PLXDC2: variants seen among roughly 807,000 people sequenced by gnomAD.
PLXDC2 encodes the protein plexin domain containing 2, also known as plexin domain-containing protein 2.
Under a neutral mutation model 68.9 loss-of-function variants are expected in PLXDC2, and 40 were observed. That is an observed-to-expected ratio of 0.58 (90% confidence interval 0.45 to 0.76). The LOEUF is 0.76. PLXDC2 is among the 30% of genes least tolerant of loss of function. PLXDC2 has a pLI of 0.00. For missense variants in PLXDC2, 644 were observed against 661.9 expected, an observed-to-expected ratio of 0.97 and a Z score of 0.30; for synonymous variants, 243 against 234.2, an observed-to-expected ratio of 1.04 and a Z score of -0.34.
intron 1 of PLXDC2, among the ~76,000 whole-genome samples, chr10:19,853,377 C>A (rs1002767895): frequency 2.0e-5 from 3 of 151,924 alleles, no homozygotes; most frequent in African/African-American, 7.2e-5. Flanking sequence ...TTTCTTCCTT[C>A]TGTTTCTCCT....
intron 4 of PLXDC2, among the ~76,000 whole-genome samples, chr10:20,101,986 G>C (rs1265766355): frequency 6.6e-6 from 1 of 151,866 alleles, no homozygotes; most frequent in African/African-American, 2.4e-5. Flanking sequence ...ATTTCTAGTA[G>C]AGATGGGGTT....
At chr10:19,870,446 G>C (rs1478453538) in intron 1 of PLXDC2, among the ~76,000 whole-genome samples, 2 of 151,462 alleles carry the variant, frequency 1.3e-5, no homozygotes, top group Non-Finnish European at 2.9e-5. Flanking sequence ...TATTTTTTGA[G>C]ACAGAGTCTT....
At position 20,145,534 on chromosome 10, in the gene PLXDC2, CAA is replaced by C. The variant is rs377301019; in HGVS notation, c.664+2119_664+2120del. ...TACATAATATAAAACTTAACATGTG[CAA>C]ACAGTACACTTTTTTTTGTTTTTTG... On this transcript the variant is annotated intron_variant, in intron 5 of 13. Coordinates refer to ENST00000377252, the MANE Select transcript of PLXDC2 (RefSeq NM_032812.9). 1.6e-3 allele frequency among the ~76,000 whole-genome samples: 236 copies of C among 152,104 alleles called. 1 individual carries two copies. Among genetic ancestry groups the C allele is most frequent in the African/African-American group, 5.5e-3 (227 of 41,548 alleles).
chr10:19,898,257 T>C (rs965602331), intron 1 of PLXDC2, among the ~76,000 whole-genome samples: 8 of 152,192 alleles, frequency 5.3e-5, no homozygotes, highest in Non-Finnish European at 1.0e-4. Flanking sequence ...TAGAGTATAT[T>C]GTGTGATGTT....
At chr10:20,105,848 A>G (rs1293201485) in intron 4 of PLXDC2, among the ~76,000 whole-genome samples, 2 of 152,206 alleles carry the variant, frequency 1.3e-5, no homozygotes, top group Non-Finnish European at 2.9e-5. Context: ...AGTGATGTGG[A>G]CGAGAGCATT....
Position 19,847,488 on chromosome 10 carries a change from G to A in PLXDC2, c.112+30297G>A, listed in dbSNP as rs80082420. On this transcript the variant is annotated intron_variant, in intron 1 of 13. Transcript: ENST00000377252. ...AACTCAGCGGTTGCCCAAGTGTGGA[G>A]ATTCAGCATTACCTAGGAATGTATA... is the stretch of plus-strand genomic sequence containing the variant. Among the ~76,000 whole-genome samples the A allele has an allele frequency of 1.1e-3, 161 of 152,286 alleles. 1 individual carries two copies. The highest frequency in any genetic ancestry group is 3.7e-3 in the African/African-American group (155 of 41,558).
At chr10:20,052,425 A>T (rs1191446686) in intron 3 of PLXDC2, among the ~76,000 whole-genome samples, 3 of 151,768 alleles carry the variant, frequency 2.0e-5, no homozygotes, top group Non-Finnish European at 4.4e-5. Flanking sequence ...TTAAGGTAAT[A>T]TTGTGACCAG....
chr10:20,230,693 C>CAAAAAAAAAAAAAAAAAA (rs1191613913), intron 12 of PLXDC2, among the ~76,000 whole-genome samples: 7 of 37,802 alleles, frequency 1.9e-4, no homozygotes, highest in Admixed American at 3.9e-4. Context: ...GACCTTGTCT[C>CAAAAAAAAAAAAAAAAAA]AAAAAAAAAA....
intron 3 of PLXDC2, among the ~76,000 whole-genome samples, chr10:20,050,461 C>A (rs1835876896): frequency 6.6e-6 from 1 of 152,050 alleles, no homozygotes; most frequent in Non-Finnish European, 1.5e-5. Flanking sequence ...GCAAGCTATG[C>A]ATCTGACAAA....
chr10:20,126,481 A>AGAACACACGTTATATACG (rs1833784904), intron 4 of PLXDC2, among the ~76,000 whole-genome samples: 1 of 40,012 alleles, frequency 2.5e-5, no homozygotes, highest in African/African-American at 8.2e-5. Context: ...ATATGTATAT[A>AGAACACACGTTATATACG]TAACACACAC....
At chr10:20,134,969 G>A (rs1833916016) in intron 4 of PLXDC2, among the ~76,000 whole-genome samples, 1 of 152,130 alleles carries the variant, frequency 6.6e-6, no homozygotes. Context: ...GCATAGGCTT[G>A]GAGAAGACTT....
chr10:20,214,523 T>G (rs1346724095), intron 10 of PLXDC2, among the ~76,000 whole-genome samples: 2 of 152,182 alleles, frequency 1.3e-5, no homozygotes, highest in African/African-American at 4.8e-5. Context: ...CAAATTCTGC[T>G]TTTTTAACTT....
chr10:20,212,105 G>T (rs1237383422), intron 10 of PLXDC2, among the ~76,000 whole-genome samples: 1 of 151,944 alleles, frequency 6.6e-6, no homozygotes. Context: ...GTGGGGAGGG[G>T]TGAAGTGTGG....
chr10:20,032,243 T>A (rs975223879), intron 2 of PLXDC2, among the ~76,000 whole-genome samples: 5 of 152,132 alleles, frequency 3.3e-5, no homozygotes, highest in Non-Finnish European at 7.3e-5. Flanking sequence ...TTCAGAGGCA[T>A]GAAACAGCAG....
At chr10:19,995,334 A>G (rs536625008) in intron 1 of PLXDC2, among the ~76,000 whole-genome samples, 6 of 152,212 alleles carry the variant, frequency 3.9e-5, no homozygotes, top group Non-Finnish European at 8.8e-5. Context: ...CAAAATTCCA[A>G]GAGTCCTTTC....
intron 2 of PLXDC2, among the ~76,000 whole-genome samples, chr10:20,043,621 A>AT (rs1835724016): frequency 6.6e-6 from 1 of 152,196 alleles, no homozygotes; most frequent in East Asian, 1.9e-4. Flanking sequence ...TTATAGGGAA[A>AT]TTTTGCAGCA....
chr10:20,220,356 G>A (rs1835193156), intron 12 of PLXDC2, among the ~76,000 whole-genome samples: 1 of 152,108 alleles, frequency 6.6e-6, no homozygotes, highest in Non-Finnish European at 1.5e-5. Flanking sequence ...GGGAAGAGAT[G>A]GGGTATAAAG....
chr10:20,070,393 C>T (rs1448306697), intron 4 of PLXDC2, among the ~76,000 whole-genome samples: 2 of 152,126 alleles, frequency 1.3e-5, no homozygotes, highest in Non-Finnish European at 2.9e-5. Flanking sequence ...GTACCAAATA[C>T]AGAGTCAAGA....
chr10:20,055,364 G>C (rs549989376), intron 3 of PLXDC2, among the ~76,000 whole-genome samples: 1 of 152,062 alleles, frequency 6.6e-6, no homozygotes, highest in Non-Finnish European at 1.5e-5. Context: ...AAATTTAGCT[G>C]TTTATGGCGA....
Sources: gnomAD v4.1 joint callset for allele counts (sites outside exome capture counted in the v4.1 genomes callset) on GRCh38, gnomAD v4.1.1 for gene constraint, MANE v1.5 for transcripts, NCBI Gene and HGNC (gene_info 2026-07-23, HGNC 2026-07-21) for gene names.